The following TJP1 variants were observed in gnomAD, a reference collection of about 807,000 sequenced individuals.
The protein encoded by TJP1 is tight junction protein 1, also known as tight junction protein ZO-1.
A neutral mutation model predicts 194.2 loss-of-function variants in TJP1; 43 were observed. The ratio of observed to expected loss-of-function variants is 0.22; its 90% CI spans 0.17 to 0.29. TJP1 has a LOEUF of 0.29. Ranked by LOEUF, TJP1 falls within the 10% of genes least tolerant of loss-of-function variation. The pLI is 1.00. For missense variants in TJP1, 1,971 were observed against 2,185.7 expected (o/e 0.90, Z 1.96); for synonymous variants, 801 against 779.0 (o/e 1.03, Z -0.47).
At chr15:29,828,577 C>T (rs188419602) in intron 2 of TJP1, among the ~76,000 whole-genome samples, 1 of 152,148 alleles carries the variant, frequency 6.6e-6, no homozygotes. Context: ...TCCTCTCCCC[C>T]CATATGAACA....
intron 1 of TJP1, among the ~76,000 whole-genome samples, chr15:29,958,411 T>A (rs1318434778): frequency 6.6e-6 from 1 of 152,104 alleles, no homozygotes; most frequent in East Asian, 1.9e-4. Flanking sequence ...TCCATTCAAA[T>A]TTATTGTTTT....
At chr15:29,712,607 A>T (rs1018512095) in intron 23 of TJP1, among the ~76,000 whole-genome samples, 3 of 152,168 alleles carry the variant, frequency 2.0e-5, no homozygotes, top group African/African-American at 7.2e-5. Context: ...AATAAAACAC[A>T]ATCACTTAGT....
chr15:29,922,004 C>A (rs2054380402), intron 2 of TJP1, among the ~76,000 whole-genome samples: 1 of 151,992 alleles, frequency 6.6e-6, no homozygotes, highest in South Asian at 2.1e-4. Context: ...ACCACCCCGC[C>A]CAGCTAATTT....
intron 2 of TJP1, among the ~76,000 whole-genome samples, chr15:29,897,046 A>T (rs1002146608): frequency 8.5e-5 from 13 of 152,330 alleles, no homozygotes; most frequent in Admixed American, 2.6e-4. Context: ...TGAGGAGCCA[A>T]ATGTTAATTC....
intron 2 of TJP1, among the ~76,000 whole-genome samples, chr15:29,877,641 T>G (rs1365905214): frequency 1.3e-5 from 2 of 151,358 alleles, no homozygotes; most frequent in Non-Finnish European, 2.9e-5. Context: ...TTTCTTCTTC[T>G]CTTTCTTTCT....
chr15:29,814,627 C>T (rs1317051729), intron 1 of TJP1, among the ~76,000 whole-genome samples: 2 of 152,012 alleles, frequency 1.3e-5, no homozygotes, highest in African/African-American at 4.8e-5. Context: ...TGGGAATTTA[C>T]ATTTTTTTAA....
intron 10 of TJP1, 129 bp from the exon 11 acceptor site, chr15:29,737,543 A>G: frequency 2.2e-6 from 2 of 913,948 alleles, no homozygotes; most frequent in Non-Finnish European, 1.6e-6. Context: ...TCATACCACT[A>G]TTTTACTAAA....
rs913120133 is a variant in TJP1, at chr15:29,822,383, T to C, written c.-355A>G. The C allele has an allele frequency of 9.9e-7, 1 of 1,014,716 alleles. No homozygotes were observed. Among genetic ancestry groups the C allele is most frequent in the African/African-American group, 1.7e-5 (1 of 58,262 alleles). The allele number at this position is 1,014,716 out of a possible 1,614,324, so 62.9% of individuals were successfully genotyped here. On this transcript the variant is annotated 5_prime_UTR_variant, in exon 1 of 28. Transcript: ENST00000614355. ...TCCCGGCGTCTCCTCGGAAGCCGGCTTCGCCACGTAACTTCCCGGGAACCG... is the reference window on the plus strand; with the variant it reads ...TCCCGGCGTCTCCTCGGAAGCCGGCCTCGCCACGTAACTTCCCGGGAACCG...
In TJP1 at chr15:29,728,002, C is replaced by T. The variant is rs1566908525; in HGVS notation, c.2035G>A (p.Ala679Thr). 8.1e-6 allele frequency: 13 copies of T among 1,614,056 alleles called. No homozygotes were observed. In the East Asian group the frequency reaches 1.1e-4, roughly 14 times the overall value. Residue 679 changes from alanine (A) to threonine (T), a missense_variant, in exon 16 of 28, where the codon GCT becomes ACT. By Grantham distance (58) the Ala-to-Thr change is moderately conservative. Transcript: ENST00000614355. ...YQIAKSEPRDAGTDQRSSGII... is the reference protein window; with the variant it reads ...YQIAKSEPRDTGTDQRSSGII... Reference sequence around the variant, plus strand: ...CCAGAGCTACGTTGGTCAGTTCCAGCGTCTCGTGGTTCACTCTCTATTCAT... The same window carrying T: ...CCAGAGCTACGTTGGTCAGTTCCAGTGTCTCGTGGTTCACTCTCTATTCAT...
intron 2 of TJP1, among the ~76,000 whole-genome samples, chr15:29,777,249 T>C (rs2047074396): frequency 6.6e-6 from 1 of 152,214 alleles, no homozygotes; most frequent in Non-Finnish European, 1.5e-5. Flanking sequence ...ACAATGACTA[T>C]TATACGGTTT....
At chr15:29,759,264 T>G (rs1459748610) in intron 8 of TJP1, 1 of 152,182 alleles carries the variant, frequency 6.6e-6, no homozygotes, top group East Asian at 1.9e-4. Context: ...CTATGCAAGT[T>G]AAGTCTCAAT....
intron 2 of TJP1, among the ~76,000 whole-genome samples, chr15:29,851,291 G>A (rs1156778942): frequency 6.6e-6 from 1 of 151,872 alleles, no homozygotes; most frequent in South Asian, 2.1e-4. Flanking sequence ...CTAAAATAAG[G>A]GATATCACTA....
At chr15:29,774,222 C>T (rs2151655666) in intron 2 of TJP1, among the ~76,000 whole-genome samples, 1 of 152,226 alleles carries the variant, frequency 6.6e-6, no homozygotes, top group Admixed American at 6.5e-5. Flanking sequence ...CCTCCCTCAG[C>T]TTTCCAGTCC....
intron 2 of TJP1, among the ~76,000 whole-genome samples, chr15:29,950,471 T>C (rs1596316081): frequency 6.6e-6 from 1 of 150,828 alleles, no homozygotes; most frequent in Non-Finnish European, 1.5e-5. Flanking sequence ...ACCTCCACCA[T>C]GACCTCCACC....
intron 1 of TJP1, among the ~76,000 whole-genome samples, chr15:29,965,028 C>A (rs977290897): frequency 1.3e-5 from 2 of 152,022 alleles, no homozygotes; most frequent in African/African-American, 2.4e-5. Context: ...AATGCCCAAG[C>A]GAGATGGAAG....
At chr15:29,949,940 T>A (rs201488079) in intron 2 of TJP1, among the ~76,000 whole-genome samples, 66 of 8,382 alleles carry the variant, frequency 7.9e-3, no homozygotes, top group East Asian at 0.045. Context: ...CACCACCACC[T>A]CCACAACCAC....
At chr15:29,768,412 T>C (rs2046450616) in intron 4 of TJP1, among the ~76,000 whole-genome samples, 1 of 152,190 alleles carries the variant, frequency 6.6e-6, no homozygotes, top group Non-Finnish European at 1.5e-5. Context: ...ACATATTATA[T>C]TGGAAGCAAT....
intron 2 of TJP1, among the ~76,000 whole-genome samples, chr15:29,954,597 T>C (rs2055871338): frequency 6.6e-6 from 1 of 152,212 alleles, no homozygotes; most frequent in African/African-American, 2.4e-5. Flanking sequence ...AGCAAGAATT[T>C]ACTGTCTTTT....
chr15:29,914,876 ACG>A (rs5811588), intron 2 of TJP1, among the ~76,000 whole-genome samples: 14,339 of 149,042 alleles, frequency 0.096, 1,447 homozygotes, highest in African/African-American at 0.26. Context: ...ACACACACAC[ACG>A]CACGCACACA....
Sources: allele counts gnomAD v4.1 joint callset (sites outside exome capture counted in the v4.1 genomes callset), GRCh38; gene constraint gnomAD v4.1.1; transcripts MANE v1.5; gene names NCBI Gene and HGNC (gene_info 2026-07-23, HGNC 2026-07-21).